The following COL23A1 variants were observed in gnomAD, a reference collection of about 807,000 sequenced individuals.
COL23A1 encodes collagen type XXIII alpha 1 chain.
COL23A1 carries 97 observed loss-of-function variants against 99.3 expected under a neutral mutation model. That is an observed-to-expected ratio of 0.98 (90% CI 0.83 to 1.16). The LOEUF is 1.16. COL23A1 is among the 50% of genes most tolerant of loss of function. The pLI is 0.00. For synonymous variants in COL23A1, 320 were observed against 308.2 expected (o/e 1.04, Z -0.40); for missense variants, 762 against 757.4 (o/e 1.01, Z -0.07).
chr5:178,517,547 G>C lies in COL23A1; in HGVS notation c.361+43135C>G, dbSNP rs184418176. Among the ~76,000 whole-genome samples the C allele has an allele frequency of 6.6e-3, 756 of 114,746 alleles. 10 individuals are homozygous for C. The highest frequency in any genetic ancestry group is 0.029 in the African/African-American group (696 of 24,254). The allele number at this position is 114,746 out of a possible 152,430, so 75.3% of individuals were successfully genotyped here. Reference sequence around the variant, plus strand: ...ACTCTCTCTTAGGGCTCAGACTCTCGGTGACAGCAGTTTTTTTTTTGTTTT... The same window carrying C: ...ACTCTCTCTTAGGGCTCAGACTCTCCGTGACAGCAGTTTTTTTTTTGTTTT... On this transcript the variant is annotated intron_variant, in intron 2 of 28. Coordinates refer to ENST00000390654, the MANE Select transcript of COL23A1 (RefSeq NM_173465.4).
intron 2 of COL23A1, among the ~76,000 whole-genome samples, chr5:178,324,389 G>A (rs976612812): frequency 2.6e-5 from 4 of 152,050 alleles, no homozygotes; most frequent in African/African-American, 4.8e-5. Flanking sequence ...TCTTTTATGC[G>A]CTCAGGATGG....
Position 178,306,062 on chromosome 5 carries a change from G to T in COL23A1, c.406+813C>A, listed in dbSNP as rs753080555. Among the ~76,000 whole-genome samples the T allele has an allele frequency of 2.0e-5, 3 of 151,968 alleles. No homozygotes were observed. The highest frequency in any genetic ancestry group is 4.4e-5 in the Non-Finnish European group (3 of 68,006). ...GTCAGTGTCACAGCAGTGGGAGACT[G>T]TGGGAGAGAGGAGAGGAGACGACCA... On this transcript the variant is annotated intron_variant, in intron 3 of 28. Transcript: ENST00000390654. This position sits in a 1 kb window ranked among gnomAD's most constrained non-coding sequence, Gnocchi z 4.1.
chr5:178,495,671 G>C (rs769588425), intron 2 of COL23A1, among the ~76,000 whole-genome samples: 2 of 152,104 alleles, frequency 1.3e-5, no homozygotes, highest in Non-Finnish European at 2.9e-5. Flanking sequence ...GAGTGGGAAG[G>C]GGGAGGAAGG....
chr5:178,410,174 C>T (rs868715957), intron 2 of COL23A1, among the ~76,000 whole-genome samples: 25 of 152,116 alleles, frequency 1.6e-4, no homozygotes, highest in South Asian at 4.2e-4. Context: ...GAATATAGGA[C>T]GAAGGATATG....
At chr5:178,499,046 T>C (rs574122798) in intron 2 of COL23A1, among the ~76,000 whole-genome samples, 14 of 152,240 alleles carry the variant, frequency 9.2e-5, no homozygotes, top group Middle Eastern at 3.4e-3. Context: ...GCTGAGATCA[T>C]GCCACTGCAC....
intron 2 of COL23A1, among the ~76,000 whole-genome samples, chr5:178,540,760 A>G (rs11741127): frequency 0.093 from 14,076 of 152,146 alleles, 808 homozygotes; most frequent in Middle Eastern, 0.17. Context: ...CATCTCTACA[A>G]AAAAATCTCT....
intron 2 of COL23A1, among the ~76,000 whole-genome samples, chr5:178,549,804 G>A (rs1677272): frequency 0.67 from 100,755 of 151,136 alleles, 34,228 homozygotes; most frequent in East Asian, 0.85. Context: ...AACAAGAGCA[G>A]AATCCTGTCT....
rs201250985 is a variant in COL23A1, at chr5:178,517,567, TG to T, written c.361+43114del. 3.1e-4 allele frequency among the ~76,000 whole-genome samples: 36 copies of T among 116,400 alleles called. 3 individuals carry two copies. Among genetic ancestry groups the T allele is most frequent in the East Asian group, 4.9e-4 (2 of 4,102 alleles). 76.4% of individuals were successfully genotyped at this position (116,400 alleles called of 152,430 possible). A position where few individuals can be genotyped will look rare whatever the true frequency, so the allele number is the denominator to read the frequency against. Reference sequence around the variant, plus strand: ...CTCTCGGTGACAGCAGTTTTTTTTTTGTTTTTTTTTTTGAGATGGAGTCTCA... The same window carrying T: ...CTCTCGGTGACAGCAGTTTTTTTTTTTTTTTTTTTTTGAGATGGAGTCTCA... On this transcript the variant is annotated intron_variant, in intron 2 of 28. Transcript: ENST00000390654.
intron 2 of COL23A1, among the ~76,000 whole-genome samples, chr5:178,481,194 GAAGGA>G (rs960361883): frequency 6.7e-6 from 1 of 149,280 alleles, no homozygotes; most frequent in African/African-American, 2.5e-5. Context: ...TCAGAGTTGT[GAAGGA>G]AAGAAAAAAC....
chr5:178,518,768 G>A (rs1408317502), intron 2 of COL23A1, among the ~76,000 whole-genome samples: 1 of 150,088 alleles, frequency 6.7e-6, no homozygotes, highest in African/African-American at 2.4e-5. Flanking sequence ...TGCAATCTCG[G>A]CACTTTGGGA....
chr5:178,517,807 G>A lies in COL23A1; in HGVS notation c.361+42875C>T, dbSNP rs191816447. ...GATCTCCTGACCTCGTGATCCGCCCGCCTCAGCCTCGCAAAGTGCTGGGAT... is the reference window on the plus strand; with the variant it reads ...GATCTCCTGACCTCGTGATCCGCCCACCTCAGCCTCGCAAAGTGCTGGGAT... On this transcript the variant is annotated intron_variant, in intron 2 of 28. Coordinates refer to ENST00000390654, the MANE Select transcript of COL23A1 (RefSeq NM_173465.4). Among the ~76,000 whole-genome samples, 1,355 of 147,864 alleles carry A rather than the reference G, an allele frequency of 9.2e-3. 15 individuals are homozygous for A. Among genetic ancestry groups the A allele is most frequent in the African/African-American group, 0.03 (1,170 of 39,606 alleles).
In COL23A1 at chr5:178,428,926, C is replaced by CACAG. The variant is rs1766096658; in HGVS notation, c.362-122011_362-122008dup. Among the ~76,000 whole-genome samples, 1 of 150,526 alleles carries CACAG rather than the reference C, an allele frequency of 6.6e-6. No individual in the cohort carries two copies. The highest frequency in any genetic ancestry group is 1.5e-5 in the Non-Finnish European group (1 of 68,004). On this transcript the variant is annotated intron_variant, in intron 2 of 28. Transcript: ENST00000390654. This position sits in a 1 kb window ranked among gnomAD's most constrained non-coding sequence, Gnocchi z 5.0. The stretch of plus-strand genomic sequence containing the variant: ...TTTCCAAGCCAGCTCCCTACCCGCA[C>CACAG]ACAGACAGGCAGGCCCTCCGTGAGT...
Position 178,384,244 on chromosome 5 carries a change from C to T in COL23A1, c.362-77325G>A, listed in dbSNP as rs1223495718. 2.0e-5 allele frequency among the ~76,000 whole-genome samples: 3 copies of T among 152,180 alleles called. No individual in the cohort carries two copies. Among genetic ancestry groups the T allele is most frequent in the African/African-American group, 7.2e-5 (3 of 41,450 alleles). ...GCTGCTGCGAGCTGAGCTGCGATCG[C>T]AAATGCACGCAGCTCCCCGCCCAGG... On this transcript the variant is annotated intron_variant, in intron 2 of 28. Coordinates refer to ENST00000390654, the MANE Select transcript of COL23A1 (RefSeq NM_173465.4). The surrounding 1 kb of genome is among the most constrained non-coding windows in gnomAD (Gnocchi z 5.5).
chr5:178,446,267 T>G (rs965656437), intron 2 of COL23A1, among the ~76,000 whole-genome samples: 2 of 151,868 alleles, frequency 1.3e-5, no homozygotes, highest in Non-Finnish European at 2.9e-5. Flanking sequence ...TGAAAAATAT[T>G]TAATATCCTA....
At chr5:178,261,449 T>C (rs1765618362) in intron 11 of COL23A1, among the ~76,000 whole-genome samples, 2 of 152,134 alleles carry the variant, frequency 1.3e-5, no homozygotes, top group Admixed American at 6.5e-5. Flanking sequence ...GGAAAATCTA[T>C]TTGAAACCAA....
At chr5:178,435,217 AT>A (rs1293147138) in intron 2 of COL23A1, among the ~76,000 whole-genome samples, 1 of 151,986 alleles carries the variant, frequency 6.6e-6, no homozygotes, top group Non-Finnish European at 1.5e-5. Flanking sequence ...TCTGTATTGT[AT>A]TTTTTTCTCC....
chr5:178,263,543 C>A (rs1441788938), intron 8 of COL23A1, among the ~76,000 whole-genome samples: 9 of 152,242 alleles, frequency 5.9e-5, no homozygotes, highest in Admixed American at 5.9e-4. Flanking sequence ...GGACCCTTTA[C>A]ATGCCAAGGA....
chr5:178,341,431 C>T (rs370085557), intron 2 of COL23A1, among the ~76,000 whole-genome samples: 18 of 152,220 alleles, frequency 1.2e-4, no homozygotes, highest in African/African-American at 2.9e-4. Context: ...CTGCTCCAAT[C>T]GGGTACCCCA....
intron 2 of COL23A1, among the ~76,000 whole-genome samples, chr5:178,496,443 G>A (rs1419357659): frequency 6.6e-6 from 1 of 152,222 alleles, no homozygotes; most frequent in Non-Finnish European, 1.5e-5. Flanking sequence ...ACTTACTCAT[G>A]TCTTAGGGAT....
Sources: allele counts gnomAD v4.1 joint callset (sites outside exome capture counted in the v4.1 genomes callset), GRCh38; gene constraint gnomAD v4.1.1; non-coding constraint Gnocchi (gnomAD v3.1); transcripts MANE v1.5; gene names NCBI Gene and HGNC (gene_info 2026-07-23, HGNC 2026-07-21).